HAT1: variants seen among roughly 807,000 people sequenced by gnomAD.
HAT1 encodes histone acetyltransferase 1.
Under a neutral mutation model 56.6 loss-of-function variants are expected in HAT1, and 20 were observed. That is an observed-to-expected ratio of 0.35 (90% CI 0.25 to 0.51). The LOEUF is 0.51. HAT1 is among the 20% of genes least tolerant of loss of function. The probability of loss-of-function intolerance (pLI) is 0.95; values close to 1 mark genes in which losing one functional copy is unlikely to be tolerated. For missense variants in HAT1, 408 were observed against 504.3 expected, an observed-to-expected ratio of 0.81 and a Z score of 1.83; for synonymous variants, 146 against 165.5, an observed-to-expected ratio of 0.88 and a Z score of 0.91.
rs375932080 is a variant in HAT1 at position 171,939,378 on chromosome 2, CACA to C, written c.113-7328_113-7326del. ...CAGCCACTTTATCTGCCAACTTGAA[CACA>C]ATTGTTGTTCTCCCTTGAAGTGATA... is the stretch of plus-strand genomic sequence containing the variant. On this transcript the variant is annotated intron_variant, in intron 2 of 10. Transcript: ENST00000264108. Among the ~76,000 whole-genome samples the C allele has an allele frequency of 6.9e-3, 1,048 of 152,316 alleles. 7 individuals are homozygous for C. Among genetic ancestry groups the C allele is most frequent in the Admixed American group, 0.017 (253 of 15,292 alleles).
intron 2 of HAT1, among the ~76,000 whole-genome samples, chr2:171,943,189 G>A (rs1286620456): frequency 1.3e-5 from 2 of 150,974 alleles, no homozygotes; most frequent in African/African-American, 4.9e-5. Context: ...ATCACCTGAG[G>A]TCAGGAGTTT....
intron 4 of HAT1, among the ~76,000 whole-genome samples, chr2:171,959,610 CT>C (rs1687527485): frequency 6.6e-6 from 1 of 152,116 alleles, no homozygotes; most frequent in Admixed American, 6.5e-5. Flanking sequence ...CAAACAAAGA[CT>C]TTTTTCCCCT....
rs760307498 is a variant in HAT1 at position 171,965,342 on chromosome 2, A to T, written c.314A>T (p.Asp105Val). Residue 105 changes from aspartate to valine, a missense_variant, in exon 5 of 11, where the codon GAT becomes GTT. Physicochemically the swap from Asp to Val is radical, Grantham distance 152. Coordinates refer to ENST00000264108, the MANE Select transcript of HAT1 (RefSeq NM_003642.4). ...VDENFDCVEA[D>V]DVEGKIRQII... ...TTTATATCCTTTATTCTTTAGGCAG[A>T]TGATGTTGAGGGCAAAATTAGACAA... 8 of 1,584,088 alleles carry T rather than the reference A, an allele frequency of 5.1e-6. No homozygotes were observed. In the African/African-American group the frequency reaches 1.1e-4, roughly 21 times the overall value.
At chr2:171,978,895 G>T (rs956519459) in intron 9 of HAT1, among the ~76,000 whole-genome samples, 2 of 150,440 alleles carry the variant, frequency 1.3e-5, no homozygotes, top group Non-Finnish European at 3.0e-5. Flanking sequence ...AGATCAGCCT[G>T]GGCAACAAAG....
At chr2:171,937,709 A>G (rs1206559259) in intron 2 of HAT1, among the ~76,000 whole-genome samples, 1 of 152,240 alleles carries the variant, frequency 6.6e-6, no homozygotes, top group Non-Finnish European at 1.5e-5. Context: ...TAATTGTACA[A>G]TAAAGTCATC....
intron 3 of HAT1, among the ~76,000 whole-genome samples, chr2:171,948,362 T>G (rs573515848): frequency 6.6e-6 from 1 of 152,262 alleles, no homozygotes; most frequent in African/African-American, 2.4e-5. Flanking sequence ...CTAGCTGAGA[T>G]TACAGGCGCC....
intron 2 of HAT1, among the ~76,000 whole-genome samples, chr2:171,945,106 A>G (rs1315790996): frequency 6.6e-6 from 1 of 152,110 alleles, no homozygotes; most frequent in Non-Finnish European, 1.5e-5. Flanking sequence ...CCTGACTTCA[A>G]GTGATCTGCC....
At chr2:171,982,867 A>C (rs994394033) in intron 10 of HAT1, among the ~76,000 whole-genome samples, 2 of 152,158 alleles carry the variant, frequency 1.3e-5, no homozygotes, top group Non-Finnish European at 2.9e-5. Context: ...CTATCTATTA[A>C]GCAAATATTT....
chr2:171,980,874 T>TGAA (rs1688115049), intron 10 of HAT1: 1 of 123,340 alleles, frequency 8.1e-6, no homozygotes, highest in African/African-American at 2.9e-5. Context: ...AAAAAAAATT[T>TGAA]AAAAAAAAAA....
At chr2:171,963,967 G>A in intron 4 of HAT1, among the ~76,000 whole-genome samples, 1 of 152,064 alleles carries the variant, frequency 6.6e-6, no homozygotes, top group East Asian at 1.9e-4. Context: ...TCAATAATAG[G>A]TCTTTTTTAT....
intron 2 of HAT1, among the ~76,000 whole-genome samples, chr2:171,942,190 C>A (rs1349721242): frequency 6.6e-6 from 1 of 152,216 alleles, no homozygotes; most frequent in African/African-American, 2.4e-5. Flanking sequence ...CAGGCATGAG[C>A]CACTGTGCCC....
chr2:171,982,381 C>T (rs1388090018), intron 10 of HAT1, among the ~76,000 whole-genome samples: 3 of 152,150 alleles, frequency 2.0e-5, no homozygotes, highest in African/African-American at 4.8e-5. Flanking sequence ...CTTCATTCTT[C>T]CTTCCTCATA....
At chr2:171,943,055 G>A (rs78807414) in intron 2 of HAT1, among the ~76,000 whole-genome samples, 2,854 of 140,486 alleles carry the variant, frequency 0.02, 36 homozygotes, top group Middle Eastern at 0.061. Context: ...TTAGGTTAGT[G>A]AGTCTGGACA....
intron 9 of HAT1, among the ~76,000 whole-genome samples, chr2:171,977,199 G>A (rs1385968472): frequency 3.3e-5 from 5 of 149,752 alleles, no homozygotes; most frequent in South Asian, 2.1e-4. Context: ...TGTGTAGGCC[G>A]GGCGAGGTGG....
At chr2:171,974,210 A>AAAAAAAAAAAAAG (rs1687905080) in intron 8 of HAT1, among the ~76,000 whole-genome samples, 1 of 72,690 alleles carries the variant, frequency 1.4e-5, no homozygotes, top group African/African-American at 4.0e-5. Context: ...AGAAAAAGAA[A>AAAAAAAAAAAAAG]AAAAAAAAAA....
intron 2 of HAT1, among the ~76,000 whole-genome samples, chr2:171,926,454 C>T (rs556826796): frequency 2.0e-5 from 3 of 151,984 alleles, no homozygotes; most frequent in Non-Finnish European, 4.4e-5. Flanking sequence ...CCACCACGCC[C>T]GGCTAATTTT....
chr2:171,961,660 A>G lies in HAT1; in HGVS notation c.310-3678A>G, dbSNP rs574214478. On this transcript the variant is annotated intron_variant, in intron 4 of 10. Coordinates refer to ENST00000264108, the MANE Select transcript of HAT1 (RefSeq NM_003642.4). ...GTGTTCTTGATAAGTAATACTTTTT[A>G]TGAAATATCATAAAGAGCTTTAAAA... Among the ~76,000 whole-genome samples the G allele has an allele frequency of 2.6e-5, 4 of 152,334 alleles. No individual in the cohort carries two copies. The South Asian group carries it at 8.3e-4, about 32-fold the overall frequency.
chr2:171,950,606 C>T (rs1338691772), intron 3 of HAT1, among the ~76,000 whole-genome samples: 5 of 152,006 alleles, frequency 3.3e-5, no homozygotes, highest in East Asian at 1.9e-4. Context: ...CAGGTTCAAG[C>T]GATTCTCCTG....
intron 2 of HAT1, among the ~76,000 whole-genome samples, chr2:171,928,322 A>G (rs1178753780): frequency 1.3e-5 from 2 of 152,250 alleles, no homozygotes; most frequent in Non-Finnish European, 2.9e-5. Flanking sequence ...CTTACTGTTC[A>G]GTCCCTGCCA....
Sources: gnomAD v4.1 joint callset for allele counts (sites outside exome capture counted in the v4.1 genomes callset) on GRCh38, gnomAD v4.1.1 for gene constraint, MANE v1.5 for transcripts, NCBI Gene and HGNC (gene_info 2026-07-23, HGNC 2026-07-21) for gene names.